Variants in SCN10A observed in about 807,000 individuals in gnomAD.
The protein encoded by SCN10A is sodium channel protein type 10 subunit alpha.
Under a neutral mutation model 170.7 loss-of-function variants are expected in SCN10A, and 162 were observed. The observed-to-expected ratio is 0.95, with a 90% CI of 0.84 to 1.08. The LOEUF (loss-of-function observed/expected upper bound fraction) is 1.08. Among genes scored for constraint, SCN10A ranks in the 50% least tolerant of loss-of-function variants. The pLI, the probability that SCN10A is intolerant of heterozygous loss-of-function variation, is 0.00. For missense variants in SCN10A, 2,527 were observed against 2,436.9 expected (o/e 1.04, Z -0.78); for synonymous variants, 985 against 904.6 (o/e 1.09, Z -1.59).
chr3:38,771,936 G>T (rs148138968), intron 4 of SCN10A, among the ~76,000 whole-genome samples: 33 of 152,328 alleles, frequency 2.2e-4, no homozygotes, highest in African/African-American at 6.5e-4. Flanking sequence ...CTGAAAGCAA[G>T]GTTTGGGGGA....
At position 38,752,384 on chromosome 3, in the gene SCN10A, G is replaced by C; in HGVS notation, c.1590C>G (p.His530Gln). The change falls in exon 12 of 28, where the codon CAC becomes CAG. Residue 530 changes from histidine (H) to glutamine (Q), a missense_variant. Transcript: ENST00000449082. ...GCAGCAGAGAGCCCCGATGGCTTTC[G>C]TGGTCTCCAGGAAAGACTCCATCAT... is the stretch of plus-strand genomic sequence containing the variant. ...VTDDGVFPGD[H>Q]ESHRGSLLLG... 6.2e-7 allele frequency: 1 copy of C among 1,613,972 alleles called. No individual in the cohort carries two copies. Among genetic ancestry groups the C allele is most frequent in the Non-Finnish European group, 8.5e-7 (1 of 1,179,974 alleles).
At chr3:38,735,983 T>C (rs2063556314) in intron 15 of SCN10A, among the ~76,000 whole-genome samples, 1 of 152,208 alleles carries the variant, frequency 6.6e-6, no homozygotes, top group South Asian at 2.1e-4. Flanking sequence ...GCCAGGTTAA[T>C]TTGATGAAGG....
Position 38,701,819 on chromosome 3 carries a change from C to T in SCN10A, c.4657+20G>A. The T allele has an allele frequency of 3.2e-6, 5 of 1,582,344 alleles. No homozygotes were observed. Among genetic ancestry groups the T allele is most frequent in the East Asian group, 2.3e-5 (1 of 43,924 alleles). On this transcript the variant is annotated intron_variant, in intron 27 of 27. Coordinates refer to ENST00000449082, the MANE Select transcript of SCN10A (RefSeq NM_006514.4). ...CCCAAACAGAGGTGGGGCTTCCCCA[C>T]CACGTGGCTGCCCACTTACTCGCAA...
intron 4 of SCN10A, among the ~76,000 whole-genome samples, chr3:38,786,372 A>T (rs1381230701): frequency 6.6e-6 from 1 of 152,152 alleles, no homozygotes; most frequent in Non-Finnish European, 1.5e-5. Context: ...GCAAACTGAC[A>T]TAAGAACAGA....
chr3:38,758,584 C>T (rs943628850), intron 8 of SCN10A, among the ~76,000 whole-genome samples: 3 of 152,190 alleles, frequency 2.0e-5, no homozygotes, highest in Non-Finnish European at 4.4e-5. Flanking sequence ...CCATTTTCTG[C>T]CTTGAGACCC....
intron 5 of SCN10A, among the ~76,000 whole-genome samples, chr3:38,770,996 T>C (rs1183283932): frequency 6.6e-6 from 1 of 152,234 alleles, no homozygotes; most frequent in African/African-American, 2.4e-5. Context: ...GATTACCCAG[T>C]TGGGATGTAT....
chr3:38,770,927 C>T (rs1018310688), intron 5 of SCN10A, among the ~76,000 whole-genome samples: 2 of 152,080 alleles, frequency 1.3e-5, no homozygotes, highest in Non-Finnish European at 2.9e-5. Flanking sequence ...TGTGTGGCTT[C>T]CTAAATTTAT....
chr3:38,728,689 G>T lies in SCN10A; in HGVS notation c.2493C>A (p.His831Gln). The T allele has an allele frequency of 6.2e-7, 1 of 1,614,160 alleles. No individual in the cohort carries two copies. The highest frequency in any genetic ancestry group is 8.5e-7 in the Non-Finnish European group (1 of 1,180,018). Residue 831 changes from histidine to glutamine, a missense_variant, in exon 16 of 28, where the codon CAC (histidine) becomes CAA (glutamine). Coordinates refer to ENST00000449082, the MANE Select transcript of SCN10A (RefSeq NM_006514.4). ...GGAAAGAGTGGAAGAAGTCGTGCAT[G>T]TGCCAGCGGGGCCAGTCTTCATGGG... ...SAPHEDWPRWHMHDFFHSFLI... is the reference protein window; with the variant it reads ...SAPHEDWPRWQMHDFFHSFLI...
chr3:38,767,775 T>C (rs1027737998), intron 5 of SCN10A, among the ~76,000 whole-genome samples: 5 of 152,152 alleles, frequency 3.3e-5, no homozygotes, highest in African/African-American at 9.7e-5. Context: ...GGTTACAGTT[T>C]AAGTTCATTG....
In SCN10A at chr3:38,773,990, G is replaced by A. The variant is rs555526169; in HGVS notation, c.471-2583C>T. On this transcript the variant is annotated intron_variant, in intron 4 of 27. Coordinates refer to ENST00000449082, the MANE Select transcript of SCN10A (RefSeq NM_006514.4). ...GTGGTGGCCTCTGGAAAGAAGAGAT[G>A]AGAAAAATGAAATTGCTGTTTTTTT... Among the ~76,000 whole-genome samples, 45 of 152,226 alleles carry A rather than the reference G, an allele frequency of 3.0e-4. No homozygotes were observed. The South Asian group carries it at 5.4e-3, about 18-fold the overall frequency.
intron 4 of SCN10A, among the ~76,000 whole-genome samples, chr3:38,786,059 A>G (rs1485503064): frequency 6.6e-6 from 1 of 152,172 alleles, no homozygotes; most frequent in Admixed American, 6.5e-5. Flanking sequence ...CCATTGTGGA[A>G]GACAGTGTGG....
intron 1 of SCN10A, among the ~76,000 whole-genome samples, chr3:38,809,133 G>C (rs770681209): frequency 1.3e-5 from 2 of 152,226 alleles, no homozygotes; most frequent in Non-Finnish European, 2.9e-5. Context: ...AGGCCAGGCA[G>C]GTTCCATGCA....
chr3:38,730,357 G>A (rs1337880656), intron 15 of SCN10A, among the ~76,000 whole-genome samples: 1 of 152,160 alleles, frequency 6.6e-6, no homozygotes, highest in East Asian at 1.9e-4. Flanking sequence ...ATTTAATTTA[G>A]AGCAATTCTA....
chr3:38,757,353 CT>C (rs2063820269), intron 8 of SCN10A, among the ~76,000 whole-genome samples, 194 bp from the exon 9 acceptor site: 1 of 152,194 alleles, frequency 6.6e-6, no homozygotes, highest in Non-Finnish European at 1.5e-5. Flanking sequence ...GACGCTAATA[CT>C]TTCACGTCAG....
chr3:38,758,334 G>A (rs1207670942), intron 8 of SCN10A, among the ~76,000 whole-genome samples: 1 of 152,146 alleles, frequency 6.6e-6, no homozygotes, highest in Non-Finnish European at 1.5e-5. Flanking sequence ...TTAACTCTGA[G>A]GGCAGCCTTG....
Position 38,714,056 on chromosome 3 carries a change from T to TC in SCN10A, c.3705dup (p.Lys1236GlufsTer7). 6.2e-7 allele frequency: 1 copy of TC among 1,614,184 alleles called. No homozygotes were observed. The highest frequency in any genetic ancestry group is 8.5e-7 in the Non-Finnish European group (1 of 1,180,026). ...GCCACTTCAGAATATTCCAGAATCTTCGCTGTGAGACTTATCAGTGAGATC... is the reference window on the plus strand; with the variant it reads ...GCCACTTCAGAATATTCCAGAATCTTCCGCTGTGAGACTTATCAGTGAGATC... On this transcript the variant is annotated frameshift_variant, in exon 22 of 28. Coordinates refer to ENST00000449082, the MANE Select transcript of SCN10A (RefSeq NM_006514.4). LOFTEE classifies it high-confidence loss of function.
chr3:38,745,594 T>C (rs2063677701), intron 13 of SCN10A, among the ~76,000 whole-genome samples: 2 of 152,194 alleles, frequency 1.3e-5, no homozygotes, highest in African/African-American at 4.8e-5. Flanking sequence ...AAATTGTCTG[T>C]ACACCATATC....
chr3:38,717,841 C>T (rs968598699), intron 21 of SCN10A, among the ~76,000 whole-genome samples: 1 of 152,232 alleles, frequency 6.6e-6, no homozygotes, highest in Non-Finnish European at 1.5e-5. Flanking sequence ...ACTCAGTTAA[C>T]CATGCTGCAA....
At chr3:38,728,974 A>G in intron 15 of SCN10A, 73 bp from the exon 16 acceptor site, 2 of 1,522,092 alleles carry the variant, frequency 1.3e-6, no homozygotes, top group East Asian at 2.3e-5. Context: ...TTGCCTGGAA[A>G]CCAAAGATCT....
Sources: gnomAD v4.1 joint callset for allele counts (sites outside exome capture counted in the v4.1 genomes callset) on GRCh38, gnomAD v4.1.1 for gene constraint, MANE v1.5 for transcripts, NCBI Gene and HGNC (gene_info 2026-07-23, HGNC 2026-07-21) for gene names.